The following PYROXD1 variants were observed in gnomAD, a reference collection of about 807,000 sequenced individuals.
PYROXD1 encodes the protein pyridine nucleotide-disulphide oxidoreductase domain 1.
A neutral mutation model predicts 62.0 loss-of-function variants in PYROXD1; 42 were observed. The observed-to-expected ratio is 0.68, with a 90% CI of 0.53 to 0.88. The LOEUF is 0.88. PYROXD1 is among the 40% of genes least tolerant of loss of function. PYROXD1 has a pLI of 0.00. For missense variants in PYROXD1, 493 were observed against 604.8 expected (o/e 0.82, Z 1.94); for synonymous variants, 170 against 206.4 (o/e 0.82, Z 1.51).
chr12:21,444,601 C>A (rs1044082028), intron 2 of PYROXD1, among the ~76,000 whole-genome samples: 2 of 152,180 alleles, frequency 1.3e-5, no homozygotes. Context: ...GGTTTCAGAT[C>A]TATTCTATGA....
In PYROXD1 at chr12:21,447,586, A is replaced by G. The variant is rs190689175; in HGVS notation, c.286-1977A>G. ...AGTTTATTATAATTTCTTTTATTTA[A>G]CAATCTAGGAAGTTGGCAGCCATCA... On this transcript the variant is annotated intron_variant, in intron 3 of 11. Coordinates refer to ENST00000240651, the MANE Select transcript of PYROXD1 (RefSeq NM_024854.5). 747 of 168,696 alleles carry G rather than the reference A, an allele frequency of 4.4e-3. 9 individuals carry two copies. Among genetic ancestry groups the G allele is most frequent in the African/African-American group, 0.017 (725 of 41,538 alleles). 10.4% of individuals were successfully genotyped at this position (168,696 alleles called of 1,614,324 possible). A position where few individuals can be genotyped will look rare whatever the true frequency, so the allele number is the denominator to read the frequency against.
chr12:21,464,126 G>C (rs1942747459), intron 10 of PYROXD1, among the ~76,000 whole-genome samples: 1 of 127,870 alleles, frequency 7.8e-6, no homozygotes, highest in Non-Finnish European at 1.7e-5. Flanking sequence ...TCTTAGAGTT[G>C]GAGTTTATGG....
At chr12:21,461,424 C>T (rs926508157) in intron 8 of PYROXD1, among the ~76,000 whole-genome samples, 1 of 152,038 alleles carries the variant, frequency 6.6e-6, no homozygotes. Context: ...CAAAATAAGA[C>T]AAAAACCTAG....
At chr12:21,465,119 G>A (rs1202949516) in intron 10 of PYROXD1, among the ~76,000 whole-genome samples, 12 of 152,026 alleles carry the variant, frequency 7.9e-5, no homozygotes, top group South Asian at 2.1e-4. Flanking sequence ...GAATAGTGCC[G>A]CTATAAACAT....
intron 3 of PYROXD1, among the ~76,000 whole-genome samples, 162 bp downstream of exon 3, chr12:21,445,628 T>C (rs1024061408): frequency 1.3e-5 from 2 of 152,192 alleles, no homozygotes; most frequent in African/African-American, 4.8e-5. Flanking sequence ...ATACAGTTTT[T>C]GTAAGTTTAT....
chr12:21,465,417 C>G (rs1454440292), intron 10 of PYROXD1, among the ~76,000 whole-genome samples: 2 of 152,122 alleles, frequency 1.3e-5, no homozygotes, highest in Non-Finnish European at 2.9e-5. Context: ...TCTCTGATGG[C>G]CAGTGATGAT....
At chr12:21,460,069 A>G (rs1352485427) in intron 7 of PYROXD1, among the ~76,000 whole-genome samples, 1 of 152,186 alleles carries the variant, frequency 6.6e-6, no homozygotes. Context: ...TGAAATCTAA[A>G]TGCTGTAAGA....
chr12:21,443,391 G>T (rs1367268986), intron 2 of PYROXD1, among the ~76,000 whole-genome samples: 1 of 152,068 alleles, frequency 6.6e-6, no homozygotes, highest in Non-Finnish European at 1.5e-5. Flanking sequence ...GTGCTTCCAA[G>T]CCAAGTTTAT....
chr12:21,446,743 A>G (rs143638221), intron 3 of PYROXD1, among the ~76,000 whole-genome samples: 2 of 151,972 alleles, frequency 1.3e-5, no homozygotes, highest in Non-Finnish European at 2.9e-5. Flanking sequence ...AAAACCCCAT[A>G]TCTACAAAAA....
intron 7 of PYROXD1, among the ~76,000 whole-genome samples, chr12:21,459,614 G>A (rs1942658195): frequency 6.6e-6 from 1 of 152,214 alleles, no homozygotes; most frequent in African/African-American, 2.4e-5. Flanking sequence ...GTGGAAGACA[G>A]TCTTGTGAGA....
chr12:21,438,114 A>G, intron 1 of PYROXD1: 1 of 366,130 alleles, frequency 2.7e-6, no homozygotes, highest in East Asian at 4.3e-5. Context: ...GTATTTAGAC[A>G]AAAAATTCAG....
chr12:21,467,678 T>A (rs1260505033), intron 11 of PYROXD1, 60 bp downstream of exon 11: 1 of 1,266,346 alleles, frequency 7.9e-7, no homozygotes, highest in Non-Finnish European at 1.1e-6. Context: ...CTATGATAAA[T>A]CATGTGATTT....
intron 3 of PYROXD1, among the ~76,000 whole-genome samples, chr12:21,445,917 T>A (rs1942378244): frequency 6.6e-6 from 1 of 151,732 alleles, no homozygotes; most frequent in Admixed American, 6.6e-5. Context: ...ATGAGGGGGG[T>A]ATTAACAGAT....
intron 3 of PYROXD1, among the ~76,000 whole-genome samples, chr12:21,446,046 G>A (rs886420847): frequency 6.6e-6 from 1 of 152,196 alleles, no homozygotes; most frequent in Non-Finnish European, 1.5e-5. Flanking sequence ...AGGGATTAGG[G>A]TGTGGTTAAG....
intron 3 of PYROXD1, 131 bp from the exon 4 acceptor site, chr12:21,449,432 G>C (rs145194087): frequency 9.0e-6 from 6 of 668,412 alleles, no homozygotes; most frequent in Non-Finnish European, 1.5e-5. Context: ...ACAAAGAACT[G>C]AGTGCCACCA....
chr12:21,456,641 C>G (rs1233838055), intron 7 of PYROXD1, among the ~76,000 whole-genome samples: 1 of 152,120 alleles, frequency 6.6e-6, no homozygotes, highest in East Asian at 1.9e-4. Context: ...GATGACTCAT[C>G]AGGGTGGTGC....
chr12:21,448,018 C>T (rs11046061), intron 3 of PYROXD1: 44,225 of 430,130 alleles, frequency 0.1, 2,929 homozygotes, highest in East Asian at 0.27. Context: ...TTTGATAGCA[C>T]GTGTGAAGGT....
intron 2 of PYROXD1, among the ~76,000 whole-genome samples, chr12:21,440,814 A>AT (rs1317409380): frequency 3.3e-5 from 5 of 152,006 alleles, no homozygotes; most frequent in Admixed American, 1.3e-4. Flanking sequence ...GTATATGACC[A>AT]TTTTTTTGTT....
At chr12:21,449,470 G>C in intron 3 of PYROXD1, 93 bp from the exon 4 acceptor site, 1 of 1,221,024 alleles carries the variant, frequency 8.2e-7, no homozygotes, top group Non-Finnish European at 1.1e-6. Context: ...ATTATGTTTT[G>C]CTTTTGCCTT....
Sources: allele counts gnomAD v4.1 joint callset (sites outside exome capture counted in the v4.1 genomes callset), GRCh38; gene constraint gnomAD v4.1.1; transcripts MANE v1.5; gene names NCBI Gene and HGNC (gene_info 2026-07-23, HGNC 2026-07-21).